Variants in UNC80 observed in about 807,000 individuals in gnomAD.
UNC80 encodes the protein unc-80 subunit of NALCN channel complex, also known as protein unc-80 homolog.
In UNC80, 164 loss-of-function variants were observed where a neutral mutation model predicts 384.6. That is an observed-to-expected ratio of 0.43 (90% confidence interval 0.38 to 0.49). The LOEUF is 0.49. UNC80 is among the 20% of genes least tolerant of loss of function. The pLI, the probability that UNC80 is intolerant of heterozygous loss-of-function variation, is 0.00. For missense variants in UNC80, 3,330 were observed against 4,143.0 expected (o/e 0.80, Z 5.39); for synonymous variants, 1,486 against 1,527.8 (o/e 0.97, Z 0.64).
intron 26 of UNC80, 36 bp from the exon 27 acceptor site, chr2:209,894,127 G>GT (rs1336367167): frequency 3.1e-6 from 3 of 982,616 alleles, no homozygotes; most frequent in Non-Finnish European, 3.6e-6. Context: ...GGGAACACTA[G>GT]GGGGGAAAAA....
rs2080781603 is a variant in UNC80, at chr2:209,829,293, G to A, written c.2540G>A (p.Arg847Lys). 1.9e-6 allele frequency: 3 copies of A among 1,551,422 alleles called. No individual in the cohort carries two copies. Among genetic ancestry groups the A allele is most frequent in the South Asian group, 2.4e-5 (2 of 84,052 alleles). Residue 847 changes from arginine (R) to lysine (K), a missense_variant, in exon 15 of 65, where the codon AGG (arginine) becomes AAG (lysine). Transcript: ENST00000673920. ...AAGATGCAGTTCCGACAAACCATGAGGGACTATGTGAACAAGGACTCTCTC... is the reference window on the plus strand; with the variant it reads ...AAGATGCAGTTCCGACAAACCATGAAGGACTATGTGAACAAGGACTCTCTC... ...LDKMQFRQTMRDYVNKDSLNN... is the reference protein window; with the variant it reads ...LDKMQFRQTMKDYVNKDSLNN...
rs1438555594 is a variant in UNC80 at position 209,994,239 on chromosome 2, A to T, written c.9683A>T (p.Asp3228Val). The stretch of plus-strand genomic sequence containing the variant: ...TCTTCTCCCGCCATAGTTGTTGCGG[A>T]TCTCCACAGCGTGTCTCCCAAGCAG... ...LTSSPAIVVADLHSVSPKQSE... is the reference protein window; with the variant it reads ...LTSSPAIVVAVLHSVSPKQSE... Residue 3228 changes from aspartate to valine, a missense_variant, in exon 64 of 65, where the codon GAT (aspartate) becomes GTT (valine). Around this residue, in one of 8 missense-constraint regions of UNC80, gnomAD observed 236 missense variants for 254.9 expected, o/e 0.93. Coordinates refer to ENST00000673920, the MANE Select transcript of UNC80 (RefSeq NM_001371986.1). The T allele has an allele frequency of 6.4e-7, 1 of 1,551,110 alleles. No homozygotes were observed. The highest frequency in any genetic ancestry group is 8.7e-7 in the Non-Finnish European group (1 of 1,146,750).
chr2:209,896,376 CGGA>C lies in UNC80; in HGVS notation c.4549_4551del (p.Glu1517del). ...CCAGAGGGAATGAGTAATGCCGGCG[CGGA>C]GGAGAATTACCACAGAAACATGTCG... On this transcript the variant is annotated inframe_deletion, in exon 28 of 65. Coordinates refer to ENST00000673920, the MANE Select transcript of UNC80 (RefSeq NM_001371986.1). 1 of 1,551,542 alleles carries C rather than the reference CGGA, an allele frequency of 6.4e-7. No homozygotes were observed. Among genetic ancestry groups the C allele is most frequent in the Non-Finnish European group, 8.7e-7 (1 of 1,146,934 alleles).
At chr2:209,941,196 T>C in intron 43 of UNC80, 25 bp from the exon 44 acceptor site, 1 of 1,483,048 alleles carries the variant, frequency 6.7e-7, no homozygotes, top group Non-Finnish European at 9.1e-7. Flanking sequence ...GCTAATTCTG[T>C]CTCTGCTGTT....
rs755952272 is a variant in UNC80, at chr2:209,959,696, G to A, written c.7794G>A (p.Lys2598=). ...RVIALELLDV[K]SHMRLAEIAH... is the part of the protein sequence containing the mutation. ...TTGCCTTGGAACTGCTGGATGTGAA[G>A]TCTCACATGAGGTACTGGCCTCGCT... Residue 2598 remains lysine (K), a synonymous_variant, in exon 51 of 65, where the codon AAG becomes AAA. Transcript: ENST00000673920. 6.4e-7 allele frequency: 1 copy of A among 1,551,402 alleles called. No individual in the cohort carries two copies. The highest frequency in any genetic ancestry group is 1.2e-5 in the South Asian group (1 of 84,044).
intron 35 of UNC80, among the ~76,000 whole-genome samples, chr2:209,922,592 A>G (rs1047079329): frequency 3.3e-5 from 5 of 152,224 alleles, no homozygotes; most frequent in African/African-American, 1.2e-4. Context: ...GCTCTATTTT[A>G]ATTACATTGC....
At chr2:209,837,459 C>T (rs1412464202) in intron 18 of UNC80, among the ~76,000 whole-genome samples, 1 of 152,168 alleles carries the variant, frequency 6.6e-6, no homozygotes, top group Non-Finnish European at 1.5e-5. Flanking sequence ...ATGTTGGAGA[C>T]ATTTTTGAGC....
Position 209,970,957 on chromosome 2 carries a change from G to A in UNC80, c.8256G>A (p.Gln2752=), listed in dbSNP as rs140164073. The part of the protein sequence containing the change: ...AVVRLVALQI[Q]ALKEDFPLSH... Reference sequence around the variant, plus strand: ...TCCGGCTTGTAGCATTGCAGATACAGGTGTGACTGCCTTACCTGTTTGTCA... The same window carrying A: ...TCCGGCTTGTAGCATTGCAGATACAAGTGTGACTGCCTTACCTGTTTGTCA... Residue 2752 remains glutamine, a splice_region_variant and synonymous_variant, in exon 54 of 65, where the codon CAG becomes CAA. Transcript: ENST00000673920. 1 of 1,551,032 alleles carries A rather than the reference G, an allele frequency of 6.4e-7. No homozygotes were observed. Among genetic ancestry groups the A allele is most frequent in the African/African-American group, 1.4e-5 (1 of 73,150 alleles).
intron 41 of UNC80, 53 bp downstream of exon 41, chr2:209,936,986 C>G: frequency 7.8e-7 from 1 of 1,276,834 alleles, no homozygotes; most frequent in Non-Finnish European, 1.1e-6. Flanking sequence ...GCTTATCATG[C>G]CTACCTGAGG....
intron 18 of UNC80, among the ~76,000 whole-genome samples, chr2:209,837,926 C>T (rs961053239): frequency 3.3e-5 from 5 of 152,126 alleles, no homozygotes; most frequent in East Asian, 1.9e-4. Flanking sequence ...CGCCCGCCAC[C>T]GCACCCTGCT....
chr2:209,916,278 A>G (rs1415015520), intron 31 of UNC80, among the ~76,000 whole-genome samples: 2 of 152,216 alleles, frequency 1.3e-5, no homozygotes, highest in Non-Finnish European at 2.9e-5. Context: ...GACCAGAGGA[A>G]GAAGCCCAGC....
At chr2:209,877,728 C>A (rs1392228943) in intron 23 of UNC80, among the ~76,000 whole-genome samples, 1 of 152,100 alleles carries the variant, frequency 6.6e-6, no homozygotes, top group African/African-American at 2.4e-5. Context: ...AGGTGTCATT[C>A]CAGTTTTTAC....
At chr2:209,800,697 G>T (rs2078487707) in intron 7 of UNC80, among the ~76,000 whole-genome samples, 1 of 152,118 alleles carries the variant, frequency 6.6e-6, no homozygotes, top group South Asian at 2.1e-4. Context: ...GACATTTAGT[G>T]CTATAAATCT....
intron 18 of UNC80, among the ~76,000 whole-genome samples, chr2:209,835,523 C>G (rs2081278306): frequency 6.6e-6 from 1 of 152,214 alleles, no homozygotes; most frequent in South Asian, 2.1e-4. Flanking sequence ...ATCAGTTAAT[C>G]TACACTTTTC....
chr2:209,786,090 G>A lies in UNC80; in HGVS notation c.625G>A (p.Ala209Thr). The A allele has an allele frequency of 6.2e-7, 1 of 1,613,920 alleles. No individual in the cohort carries two copies. The highest frequency in any genetic ancestry group is 8.5e-7 in the Non-Finnish European group (1 of 1,179,906). Residue 209 changes from alanine (A) to threonine (T), a missense_variant, in exon 5 of 65, where the codon GCC becomes ACC. Physicochemically the swap from Ala to Thr is moderately conservative, Grantham distance 58 (BLOSUM62 0). Transcript: ENST00000673920. The part of the protein sequence containing the change: ...IKESDLTFRL[A>T]SGLVIWQPMW... ...GGAATCTGACCTCACCTTCCGTCTG[G>A]CCAGTGGGCTTGTTATATGGCAGCC... is the stretch of plus-strand genomic sequence containing the variant.
At chr2:209,777,714 A>G (rs2076943519) in intron 4 of UNC80, among the ~76,000 whole-genome samples, 155 bp downstream of exon 4, 2 of 152,190 alleles carry the variant, frequency 1.3e-5, no homozygotes, top group South Asian at 4.1e-4. Flanking sequence ...ACTACTGAAC[A>G]TTGCTTCAAA....
chr2:209,904,715 T>A, intron 28 of UNC80, 50 bp from the exon 29 acceptor site: 1 of 1,503,466 alleles, frequency 6.7e-7, no homozygotes, highest in Non-Finnish European at 9.1e-7. Context: ...ATGTTCAGTT[T>A]ATCTGTACCC....
chr2:209,994,369 A>G (rs2093447214), intron 64 of UNC80, 105 bp downstream of exon 64: 6 of 1,022,562 alleles, frequency 5.9e-6, no homozygotes, highest in Admixed American at 3.3e-5. Context: ...CAGGTCTGCA[A>G]TGCTTTGTTA....
intron 7 of UNC80, among the ~76,000 whole-genome samples, chr2:209,797,929 CAT>C (rs1286036506): frequency 1.3e-5 from 2 of 152,108 alleles, no homozygotes; most frequent in Admixed American, 6.5e-5. Flanking sequence ...AGCTTTTTTT[CAT>C]ATGTTTGTCA....
Sources: allele counts gnomAD v4.1 joint callset (sites outside exome capture counted in the v4.1 genomes callset), GRCh38; gene constraint gnomAD v4.1.1; regional missense constraint gnomAD v4.1.1; transcripts MANE v1.5; gene names NCBI Gene and HGNC (gene_info 2026-07-23, HGNC 2026-07-21).